BAZ2B: variants seen among roughly 807,000 people sequenced by gnomAD.
BAZ2B encodes the protein bromodomain adjacent to zinc finger domain 2B.
A neutral mutation model predicts 246.0 loss-of-function variants in BAZ2B; 91 were observed. That is an observed-to-expected ratio of 0.37 (90% CI 0.31 to 0.44). The LOEUF (loss-of-function observed/expected upper bound fraction) is 0.44. BAZ2B is among the 20% of genes least tolerant of loss of function. The pLI is 1.00. For missense variants in BAZ2B, 2,332 were observed against 2,533.7 expected, an observed-to-expected ratio of 0.92 and a Z score of 1.71; for synonymous variants, 855 against 860.0, an observed-to-expected ratio of 0.99 and a Z score of 0.10.
intron 31 of BAZ2B, among the ~76,000 whole-genome samples, chr2:159,343,995 C>T (rs1177267983): frequency 7.8e-6 from 1 of 127,624 alleles, no homozygotes; most frequent in Non-Finnish European, 1.6e-5. Flanking sequence ...CACTGCACTG[C>T]AGAGCCTGGG....
At chr2:159,535,447 G>A (rs141221069) in intron 2 of BAZ2B, among the ~76,000 whole-genome samples, 147 of 152,290 alleles carry the variant, frequency 9.7e-4, no homozygotes, top group Admixed American at 1.7e-3. Context: ...GCTTGAACTC[G>A]GCAGGTGGAG....
chr2:159,426,458 G>A (rs750421514), intron 13 of BAZ2B, among the ~76,000 whole-genome samples: 3 of 152,018 alleles, frequency 2.0e-5, no homozygotes, highest in South Asian at 4.1e-4. Flanking sequence ...AACTGATATC[G>A]TGTATACAGA....
At chr2:159,574,374 A>G (rs973852957) in intron 1 of BAZ2B, among the ~76,000 whole-genome samples, 10 of 152,116 alleles carry the variant, frequency 6.6e-5, no homozygotes, top group Non-Finnish European at 1.5e-4. Flanking sequence ...AAAAAACCTA[A>G]TAAGTGTTTG....
intron 14 of BAZ2B, among the ~76,000 whole-genome samples, chr2:159,410,292 A>T (rs2066612744): frequency 6.6e-6 from 1 of 152,222 alleles, no homozygotes; most frequent in Non-Finnish European, 1.5e-5. Flanking sequence ...AATAAAATAA[A>T]AAAATCTGAC....
intron 3 of BAZ2B, among the ~76,000 whole-genome samples, chr2:159,454,869 A>C (rs1339808796): frequency 6.6e-6 from 1 of 152,186 alleles, no homozygotes; most frequent in Non-Finnish European, 1.5e-5. Context: ...CTATTTTTAA[A>C]GATAAGTGTT....
chr2:159,560,817 G>A (rs1972678), intron 1 of BAZ2B, among the ~76,000 whole-genome samples: 2,889 of 152,038 alleles, frequency 0.019, 310 homozygotes, highest in Admixed American at 0.18. Context: ...ATGAGCCACC[G>A]CACCCGGCTA....
the BAZ2B span, among the ~76,000 whole-genome samples, chr2:159,652,354 C>T: frequency 5.9e-5 from 9 of 151,964 alleles, no homozygotes; most frequent in South Asian, 1.0e-3. Context: ...AGATTATAGG[C>T]GCGTGCCACA....
chr2:159,337,440 C>T (rs760214543), intron 32 of BAZ2B, 127 bp downstream of exon 32: 1 of 1,573,648 alleles, frequency 6.4e-7, no homozygotes, highest in Middle Eastern at 1.7e-4. Context: ...AATAATTTTT[C>T]AAGTTAATCT....
chr2:159,629,540 T>C, the BAZ2B span, among the ~76,000 whole-genome samples: 1 of 152,136 alleles, frequency 6.6e-6, no homozygotes, highest in Non-Finnish European at 1.5e-5. Context: ...TGGATGAAGC[T>C]GGAAACCATC....
chr2:159,350,661 C>G (rs2058453251), intron 27 of BAZ2B, among the ~76,000 whole-genome samples: 2 of 152,180 alleles, frequency 1.3e-5, no homozygotes, highest in Non-Finnish European at 1.5e-5. Flanking sequence ...ACCTCTGCCT[C>G]CTGGGTTCAA....
chr2:159,600,638 CTT>C (rs1393605094), intron 1 of BAZ2B, among the ~76,000 whole-genome samples: 6 of 152,218 alleles, frequency 3.9e-5, no homozygotes, highest in African/African-American at 1.4e-4. Flanking sequence ...TACCAGTACT[CTT>C]TTAATAAGAC....
intron 21 of BAZ2B, among the ~76,000 whole-genome samples, chr2:159,389,117 CCAACCAACCAAA>C (rs1263863123): frequency 2.6e-5 from 4 of 151,448 alleles, no homozygotes; most frequent in Non-Finnish European, 4.4e-5. Context: ...AACCAACCAA[CCAACCAACCAAA>C]CAAACAAACA....
intron 18 of BAZ2B, chr2:159,398,287 A>T (rs62171539): frequency 0.057 from 8,740 of 152,264 alleles, 342 homozygotes; most frequent in Middle Eastern, 0.14. Flanking sequence ...CCCCAAATAC[A>T]TGAAGTTAAA....
intron 1 of BAZ2B, among the ~76,000 whole-genome samples, chr2:159,567,067 AC>A (rs1682793449): frequency 6.6e-6 from 1 of 152,048 alleles, no homozygotes; most frequent in South Asian, 2.1e-4. Context: ...ACATGATGAG[AC>A]CTTGTTTCTA....
At chr2:159,326,972 T>C (rs2148835028) in intron 34 of BAZ2B, among the ~76,000 whole-genome samples, 1 of 152,318 alleles carries the variant, frequency 6.6e-6, no homozygotes, top group Middle Eastern at 3.4e-3. Context: ...AGAAAACTAC[T>C]ATTCCCTTAA....
intron 3 of BAZ2B, among the ~76,000 whole-genome samples, chr2:159,457,877 A>G (rs947249976): frequency 1.3e-5 from 2 of 152,012 alleles, no homozygotes; most frequent in Non-Finnish European, 2.9e-5. Context: ...ATCTTTCAAC[A>G]TTTGTGCCAA....
intron 2 of BAZ2B, among the ~76,000 whole-genome samples, chr2:159,533,312 G>C (rs2085568988): frequency 6.6e-6 from 1 of 152,142 alleles, no homozygotes; most frequent in Non-Finnish European, 1.5e-5. Context: ...ATACATTAAA[G>C]AGGATTGAAG....
At chr2:159,377,812 C>CAAAAAAAAAAAAAAAAAAAAAAAAAAAA (rs35570732) in intron 25 of BAZ2B, among the ~76,000 whole-genome samples, 6 of 94,166 alleles carry the variant, frequency 6.4e-5, no homozygotes, top group African/African-American at 2.4e-4. Context: ...ACTCTGTCTC[C>CAAAAAAAAAAAAAAAAAAAAAAAAAAAA]AAAAAAAAAA....
chr2:159,631,696 T>C, the BAZ2B span, among the ~76,000 whole-genome samples: 1 of 152,218 alleles, frequency 6.6e-6, no homozygotes, highest in East Asian at 1.9e-4. Context: ...TGTATTTTAA[T>C]AAATGAGTTC....
Sources: gnomAD v4.1 joint callset for allele counts (sites outside exome capture counted in the v4.1 genomes callset) on GRCh38, gnomAD v4.1.1 for gene constraint, MANE v1.5 for transcripts, NCBI Gene and HGNC (gene_info 2026-07-23, HGNC 2026-07-21) for gene names.